TENM3: variants seen among roughly 807,000 people sequenced by gnomAD.
TENM3 encodes the protein teneurin transmembrane protein 3.
TENM3 carries 63 observed loss-of-function variants against 255.1 expected under a neutral mutation model. The ratio of observed to expected loss-of-function variants is 0.25; its 90% CI spans 0.20 to 0.30. The LOEUF (loss-of-function observed/expected upper bound fraction) is 0.30. Ranked by LOEUF, TENM3 falls within the 10% of genes least tolerant of loss-of-function variation. The probability of loss-of-function intolerance (pLI) is 1.00; values close to 1 mark genes in which losing one functional copy is unlikely to be tolerated. For synonymous variants in TENM3, 1,306 were observed against 1,322.3 expected, an observed-to-expected ratio of 0.99 and a Z score of 0.27; for missense variants, 2,929 against 3,461.1, an observed-to-expected ratio of 0.85 and a Z score of 3.86.
In TENM3 at chr4:182,612,894, T is replaced by C. The variant is rs75727585; in HGVS notation, c.749+11733T>C. ...GATTGTTTTCTGCCTTGTTTTGTTT[T>C]GTCATCCATTTCTTGTTCACTGTCA... On this transcript the variant is annotated intron_variant, in intron 4 of 27. Transcript: ENST00000511685. Among the ~76,000 whole-genome samples the C allele has an allele frequency of 2.9e-3, 436 of 152,358 alleles. 14 individuals carry two copies. In the East Asian group the frequency reaches 0.075, roughly 26 times the overall value.
upstream of TENM3, among the ~76,000 whole-genome samples, chr4:182,243,005 T>C (rs964496148): frequency 2.6e-5 from 4 of 152,196 alleles, no homozygotes; most frequent in Non-Finnish European, 4.4e-5. Flanking sequence ...TTCACTGAGA[T>C]TAGAAGCATT....
chr4:181,470,182 T>C, the TENM3 span, among the ~76,000 whole-genome samples: 1,545 of 151,044 alleles, frequency 0.01, 23 homozygotes, highest in African/African-American at 0.036. Flanking sequence ...TATTGTAAGA[T>C]CAAATCAGGA....
At chr4:181,902,583 T>C in the TENM3 span, among the ~76,000 whole-genome samples, 1 of 152,174 alleles carries the variant, frequency 6.6e-6, no homozygotes, top group Non-Finnish European at 1.5e-5. Context: ...CATGGAATAC[T>C]ATGCAGCCAT....
At chr4:181,512,576 C>T in the TENM3 span, among the ~76,000 whole-genome samples, 1 of 152,152 alleles carries the variant, frequency 6.6e-6, no homozygotes, top group Non-Finnish European at 1.5e-5. Flanking sequence ...TTTGGAAAGG[C>T]TCAATGATTA....
At chr4:182,111,710 A>G in the TENM3 span, among the ~76,000 whole-genome samples, 1 of 152,106 alleles carries the variant, frequency 6.6e-6, no homozygotes, top group African/African-American at 2.4e-5. Flanking sequence ...CAGTTGTAAG[A>G]GATTTATTTC....
the TENM3 span, among the ~76,000 whole-genome samples, chr4:181,591,696 C>T: frequency 6.6e-6 from 1 of 152,120 alleles, no homozygotes; most frequent in Non-Finnish European, 1.5e-5. Flanking sequence ...GAGCACGAGC[C>T]CTATTGCAGA....
the TENM3 span, among the ~76,000 whole-genome samples, chr4:181,714,486 C>T: frequency 6.6e-6 from 1 of 152,110 alleles, no homozygotes; most frequent in Non-Finnish European, 1.5e-5. Flanking sequence ...AAACCTCAGG[C>T]TCACTGGAGG....
At chr4:181,585,644 G>A in the TENM3 span, among the ~76,000 whole-genome samples, 1 of 152,092 alleles carries the variant, frequency 6.6e-6, no homozygotes, top group Non-Finnish European at 1.5e-5. Context: ...CAGAAAAAAT[G>A]TCATTAACTC....
rs537742631 is a variant in TENM3 at position 182,740,147 on chromosome 4, T to G, written c.3379+1603T>G. ...AAAAGCAGAAAAACCCTTCCCTGCT[T>G]CACTATTTTATAGCAGTATATTAAG... On this transcript the variant is annotated intron_variant, in intron 18 of 27. Transcript: ENST00000511685. Among the ~76,000 whole-genome samples the G allele has an allele frequency of 3.0e-4, 45 of 152,306 alleles. No individual in the cohort carries two copies. The South Asian group carries it at 9.1e-3, about 31-fold the overall frequency.
the TENM3 span, among the ~76,000 whole-genome samples, chr4:182,074,869 A>G: frequency 6.6e-6 from 1 of 152,246 alleles, no homozygotes; most frequent in Admixed American, 6.5e-5. Flanking sequence ...GAAAACTTCA[A>G]AAAGAATAGT....
In TENM3 at chr4:182,305,797, C is replaced by T. The variant is rs190579918; in HGVS notation, c.-75-18149C>T. Among the ~76,000 whole-genome samples, 12 of 152,260 alleles carry T rather than the reference C, an allele frequency of 7.9e-5. No individual in the cohort carries two copies. The East Asian group carries it at 1.7e-3, about 22-fold the overall frequency. On this transcript the variant is annotated intron_variant, in intron 1 of 27. Coordinates refer to ENST00000511685, the MANE Select transcript of TENM3 (RefSeq NM_001080477.4). The stretch of plus-strand genomic sequence containing the variant: ...AGCAATACCCAATGCCAGTTTGATG[C>T]GTGGTGCTTACTTCACAGAAGCCCA...
the TENM3 span, among the ~76,000 whole-genome samples, chr4:182,070,250 C>G: frequency 2.0e-5 from 3 of 152,152 alleles, no homozygotes; most frequent in African/African-American, 7.2e-5. Context: ...GAAAAAGCAT[C>G]TTACTTATTT....
chr4:182,400,347 G>C (rs1230062325), intron 3 of TENM3, among the ~76,000 whole-genome samples: 1 of 152,150 alleles, frequency 6.6e-6, no homozygotes, highest in Non-Finnish European at 1.5e-5. Context: ...TTAAACATTT[G>C]AAGTGCCTGG....
chr4:181,724,331 A>G, the TENM3 span, among the ~76,000 whole-genome samples: 1 of 151,426 alleles, frequency 6.6e-6, no homozygotes, highest in African/African-American at 2.4e-5. Context: ...AATAATGGCT[A>G]TCTCTTGTCC....
At chr4:182,473,816 A>G (rs1733401391) in intron 3 of TENM3, among the ~76,000 whole-genome samples, 1 of 151,330 alleles carries the variant, frequency 6.6e-6, no homozygotes, top group African/African-American at 2.4e-5. Context: ...AATATTAGCA[A>G]GGTATGTTGG....
intron 4 of TENM3, among the ~76,000 whole-genome samples, chr4:182,620,470 C>A (rs1438468964): frequency 6.6e-6 from 1 of 152,184 alleles, no homozygotes; most frequent in East Asian, 1.9e-4. Flanking sequence ...CCTGCGAAAT[C>A]TGAGACCAAA....
chr4:182,725,636 C>CTTTTTTTTT (rs5864795), intron 13 of TENM3, among the ~76,000 whole-genome samples: 9 of 133,670 alleles, frequency 6.7e-5, no homozygotes, highest in Non-Finnish European at 1.1e-4. Flanking sequence ...TCTTTTTTTT[C>CTTTTTTTTT]TTTTTTTTTT....
the TENM3 span, among the ~76,000 whole-genome samples, chr4:181,598,758 A>C: frequency 6.6e-6 from 1 of 152,148 alleles, no homozygotes; most frequent in Non-Finnish European, 1.5e-5. Context: ...TGAAATTCTG[A>C]CCAGAATGAA....
the TENM3 span, among the ~76,000 whole-genome samples, chr4:181,779,069 G>A: frequency 6.6e-6 from 1 of 152,092 alleles, no homozygotes; most frequent in Admixed American, 6.6e-5. Flanking sequence ...AAGGAGAGTA[G>A]TGAACAGGTC....
Sources: allele counts gnomAD v4.1 joint callset (sites outside exome capture counted in the v4.1 genomes callset), GRCh38; gene constraint gnomAD v4.1.1; transcripts MANE v1.5; gene names NCBI Gene and HGNC (gene_info 2026-07-23, HGNC 2026-07-21).